The following TRIOBP variants were observed in gnomAD, a reference collection of about 807,000 sequenced individuals.
The protein encoded by TRIOBP is TRIO and F-actin-binding protein.
In TRIOBP, 169 loss-of-function variants were observed where a neutral mutation model predicts 238.8. The ratio of observed to expected loss-of-function variants is 0.71; its 90% CI spans 0.62 to 0.80. The LOEUF (loss-of-function observed/expected upper bound fraction) is 0.80. Ranked by LOEUF, TRIOBP falls within the 30% of genes least tolerant of loss-of-function variation. The probability of loss-of-function intolerance (pLI) is 0.00; values close to 1 mark genes in which losing one functional copy is unlikely to be tolerated. For synonymous variants in TRIOBP, 1,150 were observed against 1,274.4 expected (o/e 0.90, Z 2.08); for missense variants, 2,838 against 3,122.6 (o/e 0.91, Z 2.17).
intron 7 of TRIOBP, among the ~76,000 whole-genome samples, chr22:37,730,185 G>A (rs1924356118): frequency 6.6e-6 from 1 of 152,080 alleles, no homozygotes; most frequent in Non-Finnish European, 1.5e-5. Flanking sequence ...TCTGGAGGTC[G>A]AAGAACCCAT....
intron 11 of TRIOBP, chr22:37,746,507 G>C: frequency 2.6e-6 from 3 of 1,165,808 alleles, no homozygotes; most frequent in East Asian, 5.0e-5. Context: ...CTCCGGGGCA[G>C]CCCCCTCCTC....
At chr22:37,764,231 A>C (rs969026006) in intron 17 of TRIOBP, among the ~76,000 whole-genome samples, 21 of 152,196 alleles carry the variant, frequency 1.4e-4, no homozygotes, top group African/African-American at 5.1e-4. Flanking sequence ...TGGGAGTAAG[A>C]TGTGGACAAC....
At chr22:37,712,261 C>G (rs772331312) in intron 4 of TRIOBP, among the ~76,000 whole-genome samples, 4 of 152,064 alleles carry the variant, frequency 2.6e-5, no homozygotes, top group Admixed American at 6.6e-5. Flanking sequence ...GATGTTGGCT[C>G]ACTGCAACCT....
At chr22:37,764,226 G>A (rs1926377874) in intron 17 of TRIOBP, among the ~76,000 whole-genome samples, 1 of 152,234 alleles carries the variant, frequency 6.6e-6, no homozygotes, top group African/African-American at 2.4e-5. Context: ...GATCCTGGGA[G>A]TAAGATGTGG....
intron 10 of TRIOBP, among the ~76,000 whole-genome samples, chr22:37,739,992 G>T (rs369640015): frequency 4.2e-4 from 64 of 152,300 alleles, no homozygotes; most frequent in African/African-American, 1.3e-3. Flanking sequence ...CACACACTTA[G>T]TGAGCACCTT....
chr22:37,711,350 G>A (rs1002905032), intron 4 of TRIOBP, among the ~76,000 whole-genome samples: 3 of 152,024 alleles, frequency 2.0e-5, no homozygotes, highest in African/African-American at 7.2e-5. Context: ...AGGCCAAGGT[G>A]GGCGGATCAC....
chr22:37,743,056 C>T (rs1446040363), intron 11 of TRIOBP, among the ~76,000 whole-genome samples: 1 of 152,208 alleles, frequency 6.6e-6, no homozygotes, highest in South Asian at 2.1e-4. Flanking sequence ...ATCCTGATCT[C>T]TCTGAGCCCT....
At chr22:37,751,627 C>T in intron 11 of TRIOBP, 145 bp from the exon 12 acceptor site, 1 of 845,730 alleles carries the variant, frequency 1.2e-6, no homozygotes, top group Non-Finnish European at 1.9e-6. Context: ...TTGGGGGTTA[C>T]CTAGGGCCTT....
At position 37,741,090 on chromosome 22, in the gene TRIOBP, G is replaced by A. The variant is rs1275269957; in HGVS notation, c.5322+58G>A. The A allele has an allele frequency of 5.2e-6, 8 of 1,539,654 alleles. No homozygotes were observed. In the East Asian group the frequency reaches 9.8e-5, roughly 19 times the overall value. The stretch of plus-strand genomic sequence containing the variant: ...AGGGTGGATAGAGACGGGGATGGGA[G>A]GGAGGAGGGGGCTGTTAAGCAAAGG... On this transcript the variant is annotated intron_variant, in intron 11 of 23. Coordinates refer to ENST00000644935, the MANE Select transcript of TRIOBP (RefSeq NM_001039141.3).
intron 14 of TRIOBP, 111 bp from the exon 15 acceptor site, chr22:37,755,439 A>G (rs1925866461): frequency 9.4e-7 from 1 of 1,066,408 alleles, no homozygotes; most frequent in East Asian, 2.5e-5. Flanking sequence ...CCCCAGACTC[A>G]AGACCTTAGA....
Position 37,755,136 on chromosome 22 carries a change from C to G in TRIOBP, c.5523C>G (p.Ser1841=). 6.2e-7 allele frequency: 1 copy of G among 1,613,806 alleles called. No homozygotes were observed. The highest frequency in any genetic ancestry group is 8.5e-7 in the Non-Finnish European group (1 of 1,179,908). Residue 1841 remains serine, a synonymous_variant, in exon 14 of 24, where the codon TCC becomes TCG. Transcript: ENST00000644935. ...DELDGEIDLR[S]CTDVTEYAVQ... is the part of the protein sequence containing the mutation. ...TGGATGGTGAGATCGACCTGCGTTC[C>G]TGCACGGATGTCACTGAGTACGCGG...
chr22:37,738,884 C>T, intron 10 of TRIOBP, among the ~76,000 whole-genome samples, 165 bp downstream of exon 10: 1 of 152,212 alleles, frequency 6.6e-6, no homozygotes, highest in Admixed American at 6.5e-5. Context: ...AGGGGCTCTG[C>T]AGGAGCCACC....
intron 4 of TRIOBP, among the ~76,000 whole-genome samples, chr22:37,712,482 C>G (rs1226103924): frequency 6.6e-6 from 1 of 152,030 alleles, no homozygotes; most frequent in Non-Finnish European, 1.5e-5. Context: ...CAGGTGTGTG[C>G]CACCACCATG....
At chr22:37,758,162 AG>A (rs1187214592) in intron 16 of TRIOBP, 24 bp downstream of exon 16, 2 of 1,609,986 alleles carry the variant, frequency 1.2e-6, no homozygotes, top group Non-Finnish European at 1.7e-6. Context: ...CTGGCTCTCT[AG>A]GAGGCCCCTT....
At position 37,734,557 on chromosome 22, in the gene TRIOBP, G is replaced by A; in HGVS notation, c.4221G>A (p.Leu1407=). ...CAGCCAGGACCCCTGAGAGGGAGCTGCGGACACAGAGACCTCTGGAGAGTG... is the reference window on the plus strand; with the variant it reads ...CAGCCAGGACCCCTGAGAGGGAGCTACGGACACAGAGACCTCTGGAGAGTG... ...RTSARTPERE[L]RTQRPLESGQ... Residue 1407 remains leucine (L), a synonymous_variant, in exon 9 of 24, where the codon CTG becomes CTA. Transcript: ENST00000644935. The A allele has an allele frequency of 6.3e-7, 1 of 1,590,528 alleles. No homozygotes were observed. Among genetic ancestry groups the A allele is most frequent in the Non-Finnish European group, 8.6e-7 (1 of 1,168,834 alleles).
intron 9 of TRIOBP, among the ~76,000 whole-genome samples, chr22:37,736,805 T>G (rs1924693719): frequency 6.6e-6 from 1 of 152,120 alleles, no homozygotes; most frequent in Non-Finnish European, 1.5e-5. Context: ...TTTTGTGTTT[T>G]TAGTAGAGAT....
At position 37,724,734 on chromosome 22, in the gene TRIOBP, A is replaced by T; in HGVS notation, c.2178A>T (p.Arg726=). Residue 726 remains arginine, a synonymous_variant, in exon 7 of 24, where the codon CGA becomes CGT. Coordinates refer to ENST00000644935, the MANE Select transcript of TRIOBP (RefSeq NM_001039141.3). ...QQENPRTSCA[R]RDNPRASSRN... ...AGAACCCCAGAACATCCTGTGCCCGACGGGACAATCCCAGAGCCTCCTCTC... is the reference window on the plus strand; with the variant it reads ...AGAACCCCAGAACATCCTGTGCCCGTCGGGACAATCCCAGAGCCTCCTCTC... 6.3e-7 allele frequency: 1 copy of T among 1,593,174 alleles called. No homozygotes were observed.
rs1924900712 is a variant in TRIOBP, at chr22:37,740,899, A to T, written c.5189A>T (p.Asp1730Val). The T allele has an allele frequency of 6.4e-7, 1 of 1,572,514 alleles. No individual in the cohort carries two copies. The highest frequency in any genetic ancestry group is 2.3e-5 in the East Asian group (1 of 43,400). ...ACACTGGACCCTGTTTGACAGGCAG[A>T]CAAGAGGCCAGCAGAGGGCAAGGCT... ...LTDQKQADSA[D>V]KRPAEGKAGS... The change falls in exon 11 of 24, where the codon GAC (aspartate) becomes GTC (valine). Residue 1730 changes from aspartate to valine, a missense_variant. By Grantham distance (152) the Asp-to-Val change is radical. This residue lies in a region of TRIOBP where 2,096 missense variants were observed against 2,137.4 expected (regional missense o/e 0.98). Coordinates refer to ENST00000644935, the MANE Select transcript of TRIOBP (RefSeq NM_001039141.3).
At chr22:37,761,511 T>C (rs936830768) in intron 17 of TRIOBP, among the ~76,000 whole-genome samples, 14 of 151,984 alleles carry the variant, frequency 9.2e-5, no homozygotes, top group Admixed American at 7.2e-4. Flanking sequence ...TTTTGGAGGT[T>C]TGGGGTCAGA....
Sources: allele counts gnomAD v4.1 joint callset (sites outside exome capture counted in the v4.1 genomes callset), GRCh38; gene constraint gnomAD v4.1.1; regional missense constraint gnomAD v4.1.1; transcripts MANE v1.5; gene names NCBI Gene and HGNC (gene_info 2026-07-23, HGNC 2026-07-21).